Variants in DRG2 observed in about 807,000 individuals in gnomAD.
The protein encoded by DRG2 is developmentally regulated GTP binding protein 2.
A neutral mutation model predicts 53.4 loss-of-function variants in DRG2; 36 were observed. That is an observed-to-expected ratio of 0.67 (90% confidence interval 0.52 to 0.89). DRG2 has a LOEUF of 0.89. DRG2 is among the 40% of genes least tolerant of loss of function. DRG2 has a pLI of 0.00. For synonymous variants in DRG2, 167 were observed against 192.1 expected (o/e 0.87, Z 1.08); for missense variants, 342 against 481.2 (o/e 0.71, Z 2.71).
chr17:18,100,735 A>T lies in DRG2; in HGVS notation c.631+76A>T. On this transcript the variant is annotated intron_variant, in intron 7 of 12. Transcript: ENST00000225729. This position sits in a 1 kb window ranked among gnomAD's most constrained non-coding sequence, Gnocchi z 4.1. ...CAGCGGGGGGACTGACTAAGACAGG[A>T]GGCCTCATGGAGCAGGGTGGCAGCA... 1 of 1,445,478 alleles carries T rather than the reference A, an allele frequency of 6.9e-7. No individual in the cohort carries two copies. Among genetic ancestry groups the T allele is most frequent in the South Asian group, 1.2e-5 (1 of 82,492 alleles). 89.5% of individuals were successfully genotyped at this position (1,445,478 alleles called of 1,614,324 possible).
intron 2 of DRG2, chr17:18,097,253 T>G (rs945271123): frequency 6.6e-6 from 1 of 152,242 alleles, no homozygotes; most frequent in Non-Finnish European, 1.5e-5. Context: ...TTCCAGGAGA[T>G]CCCCAAGGCT....
Position 18,098,007 on chromosome 17 carries a change from AT to A in DRG2, c.226-262del. 1 of 318,118 alleles carries A rather than the reference AT, an allele frequency of 3.1e-6. No individual in the cohort carries two copies. 19.7% of individuals were successfully genotyped at this position (318,118 alleles called of 1,614,324 possible). ...GCTCCTGATGTATATGGGGAACCCC[AT>A]CAGAATCCAGATCCCTGCCTCTACC... On this transcript the variant is annotated intron_variant, in intron 2 of 12. Coordinates refer to ENST00000225729, the MANE Select transcript of DRG2 (RefSeq NM_001388.5). The surrounding 1 kb of genome is among the most constrained non-coding windows in gnomAD (Gnocchi z 4.1).
intron 9 of DRG2, among the ~76,000 whole-genome samples, chr17:18,102,394 G>A (rs942484682): frequency 3.9e-5 from 6 of 152,132 alleles, no homozygotes; most frequent in Non-Finnish European, 7.4e-5. Flanking sequence ...GGGCTGTGGC[G>A]GGTGGATCAT....
Position 18,103,956 on chromosome 17 carries a change from G to A in DRG2, c.895+67G>A. ...ATCCCTAGAAGGCTGCCAGGCCGGT[G>A]TGTGGTGCCCAGAGACCCCAGCACC... On this transcript the variant is annotated intron_variant, in intron 10 of 12. Coordinates refer to ENST00000225729, the MANE Select transcript of DRG2 (RefSeq NM_001388.5). This position sits in a 1 kb window ranked among gnomAD's most constrained non-coding sequence, Gnocchi z 4.4. 1 of 1,514,216 alleles carries A rather than the reference G, an allele frequency of 6.6e-7. No individual in the cohort carries two copies. Among genetic ancestry groups the A allele is most frequent in the Non-Finnish European group, 9.2e-7 (1 of 1,091,132 alleles). The allele number at this position is 1,514,216 out of a possible 1,614,324, so 93.8% of individuals were successfully genotyped here.
intron 1 of DRG2, 60 bp from the exon 2 acceptor site, chr17:18,093,753 C>G: frequency 6.3e-7 from 1 of 1,577,892 alleles, no homozygotes; most frequent in Non-Finnish European, 8.6e-7. Context: ...TGGGCCCTGC[C>G]TGACCCCTGG....
rs537984090 is a variant in DRG2, at chr17:18,089,537, G to A, written c.64+1450G>A. On this transcript the variant is annotated intron_variant, in intron 1 of 12. Coordinates refer to ENST00000225729, the MANE Select transcript of DRG2 (RefSeq NM_001388.5). ...CCTTGGATCTGATCTTCTAGTTGAC[G>A]GTCTGAAAACTAGAAATCAAATAAA... 3.9e-5 allele frequency among the ~76,000 whole-genome samples: 6 copies of A among 152,218 alleles called. No homozygotes were observed. The East Asian group carries it at 5.8e-4, about 15-fold the overall frequency.
intron 10 of DRG2, among the ~76,000 whole-genome samples, chr17:18,104,167 A>C (rs2045586912): frequency 6.6e-6 from 1 of 152,162 alleles, no homozygotes; most frequent in Non-Finnish European, 1.5e-5. Context: ...TAGGGACCTG[A>C]ATCCACAGGA....
chr17:18,104,368 G>A (rs960049883), intron 10 of DRG2, among the ~76,000 whole-genome samples: 30 of 152,222 alleles, frequency 2.0e-4, no homozygotes, highest in African/African-American at 7.0e-4. Context: ...GTCTCTGTCA[G>A]TGCTGTCACA....
At chr17:18,101,261 C>G (rs1229009279) in intron 7 of DRG2, among the ~76,000 whole-genome samples, 1 of 152,206 alleles carries the variant, frequency 6.6e-6, no homozygotes, top group East Asian at 1.9e-4. Flanking sequence ...TTTCTCCCTG[C>G]CTAGCTGTCA....
chr17:18,097,007 G>A (rs741783), intron 2 of DRG2: 16,455 of 152,158 alleles, frequency 0.11, 1,186 homozygotes, highest in Middle Eastern at 0.18. Flanking sequence ...TAGAGAAGCC[G>A]CTCTAGTTAC....
At chr17:18,095,371 A>G (rs1049789177) in intron 2 of DRG2, 1 of 148,422 alleles carries the variant, frequency 6.7e-6, no homozygotes, top group Non-Finnish European at 1.5e-5. Flanking sequence ...AGCAGAAAAG[A>G]GATGTCTGAT....
chr17:18,089,872 A>G (rs2045282882), intron 1 of DRG2, among the ~76,000 whole-genome samples: 1 of 152,094 alleles, frequency 6.6e-6, no homozygotes, highest in South Asian at 2.1e-4. Flanking sequence ...GAGGGGGTTG[A>G]TCATGCAGAG....
intron 1 of DRG2, among the ~76,000 whole-genome samples, chr17:18,090,275 C>A (rs1204408460): frequency 7.4e-6 from 1 of 134,716 alleles, no homozygotes; most frequent in Admixed American, 8.1e-5. Flanking sequence ...TCATAGCTCA[C>A]TGTAACTTCA....
intron 11 of DRG2, 137 bp downstream of exon 11, chr17:18,104,818 T>A (rs1022463608): frequency 2.8e-6 from 4 of 1,440,030 alleles, no homozygotes; most frequent in Non-Finnish European, 3.8e-6. Context: ...GCTCTGGAGT[T>A]GGACAGCCTG....
chr17:18,092,734 G>A (rs923871955), intron 1 of DRG2, among the ~76,000 whole-genome samples: 4 of 152,188 alleles, frequency 2.6e-5, no homozygotes, highest in Admixed American at 1.3e-4. Context: ...ATAAATGCTG[G>A]AGTGCTGCCA....
chr17:18,098,191 G>A lies in DRG2; in HGVS notation c.226-79G>A. ...GGGTCTCCTCCTGCTGCCTGCACCT[G>A]CAGGCCCCCAGCCCCTGGGGCCTCT... On this transcript the variant is annotated intron_variant, in intron 2 of 12. Coordinates refer to ENST00000225729, the MANE Select transcript of DRG2 (RefSeq NM_001388.5). This position sits in a 1 kb window ranked among gnomAD's most constrained non-coding sequence, Gnocchi z 4.1. The A allele has an allele frequency of 3.3e-6, 4 of 1,230,336 alleles. No individual in the cohort carries two copies. Among genetic ancestry groups the A allele is most frequent in the Non-Finnish European group, 4.7e-6 (4 of 842,824 alleles). 76.2% of individuals were successfully genotyped at this position (1,230,336 alleles called of 1,614,324 possible). A position where few individuals can be genotyped will look rare whatever the true frequency, so the allele number is the denominator to read the frequency against.
At position 18,087,993 on chromosome 17, in the gene DRG2, C is replaced by A. The variant is rs1347884143; in HGVS notation, c.-31C>A. 5 of 1,545,380 alleles carry A rather than the reference C, an allele frequency of 3.2e-6. No homozygotes were observed. Among genetic ancestry groups the A allele is most frequent in the Admixed American group, 2.0e-5 (1 of 50,478 alleles). On this transcript the variant is annotated 5_prime_UTR_variant, in exon 1 of 13. Transcript: ENST00000225729. ...CCGGAATTGCCGGTGCCGCCGCCACCGCTGTCTGTGCGCCCACCTCTGCTG... is the reference window on the plus strand; with the variant it reads ...CCGGAATTGCCGGTGCCGCCGCCACAGCTGTCTGTGCGCCCACCTCTGCTG...
intron 2 of DRG2, chr17:18,095,280 G>A (rs1597720105): frequency 6.6e-6 from 1 of 151,680 alleles, no homozygotes; most frequent in Non-Finnish European, 1.5e-5. Flanking sequence ...CCAAAGTGCT[G>A]GGATTACAGG....
At position 18,099,591 on chromosome 17, in the gene DRG2, C is replaced by G. The variant is rs920091403; in HGVS notation, c.377-42C>G. 1 of 1,567,954 alleles carries G rather than the reference C, an allele frequency of 6.4e-7. No homozygotes were observed. The highest frequency in any genetic ancestry group is 1.9e-5 in the Admixed American group (1 of 52,448). ...GGCGCCGTGGGCTGGGTAGCAGTCA[C>G]ATGGGTCCACATATGTAACTGCATC... On this transcript the variant is annotated intron_variant, in intron 4 of 12. Transcript: ENST00000225729. The surrounding 1 kb of genome is among the most constrained non-coding windows in gnomAD (Gnocchi z 4.4).
Sources: gnomAD v4.1 joint callset for allele counts (sites outside exome capture counted in the v4.1 genomes callset) on GRCh38, gnomAD v4.1.1 for gene constraint, Gnocchi (gnomAD v3.1) non-coding constraint, MANE v1.5 for transcripts, NCBI Gene and HGNC (gene_info 2026-07-23, HGNC 2026-07-21) for gene names.